Variants in VPS33A observed in about 807,000 individuals in gnomAD.
The protein encoded by VPS33A is VPS33A core subunit of CORVET and HOPS complexes.
A neutral mutation model predicts 71.8 loss-of-function variants in VPS33A; 32 were observed. The observed-to-expected ratio is 0.45, with a 90% CI of 0.34 to 0.60. The LOEUF (loss-of-function observed/expected upper bound fraction) is 0.60, where lower values mean the gene tolerates loss of function less well. VPS33A is among the 20% of genes least tolerant of loss of function. The pLI is 0.02. For missense variants in VPS33A, 625 were observed against 748.5 expected (o/e 0.84, Z 1.92); for synonymous variants, 311 against 292.7 (o/e 1.06, Z -0.64).
At chr12:122,250,918 C>T (rs922889616) in intron 5 of VPS33A, 65 bp downstream of exon 5, 8 of 1,180,998 alleles carry the variant, frequency 6.8e-6, no homozygotes, top group East Asian at 4.7e-5. Flanking sequence ...AGGAGCTTCC[C>T]GTTCCTCCTC....
chr12:122,244,860 A>G, intron 6 of VPS33A, 98 bp from the exon 7 acceptor site: 1 of 1,258,426 alleles, frequency 7.9e-7, no homozygotes, highest in Non-Finnish European at 1.1e-6. Flanking sequence ...TCAGGAGAAA[A>G]TGGAAGACGG....
At chr12:122,237,258 A>G (rs1239897531) in intron 10 of VPS33A, among the ~76,000 whole-genome samples, 2 of 152,178 alleles carry the variant, frequency 1.3e-5, no homozygotes, top group African/African-American at 4.8e-5. Flanking sequence ...AATTTGCAGA[A>G]AGTTCTTTTC....
intron 11 of VPS33A, among the ~76,000 whole-genome samples, chr12:122,235,264 CTTTT>C (rs1305150700): frequency 1.4e-5 from 2 of 138,950 alleles, no homozygotes; most frequent in East Asian, 2.1e-4. Context: ...TGCCCCATAA[CTTTT>C]TTTTTTTTTT....
intron 1 of VPS33A, chr12:122,265,821 GA>G: frequency 2.4e-6 from 1 of 422,678 alleles, no homozygotes; most frequent in South Asian, 1.6e-5. Context: ...TGCTACTAGA[GA>G]AGTTATACTG....
At chr12:122,252,340 C>A (rs1483774614) in intron 4 of VPS33A, among the ~76,000 whole-genome samples, 1 of 151,846 alleles carries the variant, frequency 6.6e-6, no homozygotes, top group African/African-American at 2.4e-5. Flanking sequence ...GCGATCTCGG[C>A]TCACTGCAAG....
rs1337066543 is a variant in VPS33A at position 122,230,207 on chromosome 12, T to C, written c.*2039A>G. The C allele has an allele frequency of 6.6e-6, 1 of 152,254 alleles. No homozygotes were observed. Among genetic ancestry groups the C allele is most frequent in the Non-Finnish European group, 1.5e-5 (1 of 68,036 alleles). 9.4% of individuals were successfully genotyped at this position (152,254 alleles called of 1,614,324 possible). A position where few individuals can be genotyped will look rare whatever the true frequency, so the allele number is the denominator to read the frequency against. Reference sequence around the variant, plus strand: ...CTTTCAATTATTATCTCTGCCACTCTTCATTCTTTCATTAAAGAGATTTTT... The same window carrying C: ...CTTTCAATTATTATCTCTGCCACTCCTCATTCTTTCATTAAAGAGATTTTT... On this transcript the variant is annotated 3_prime_UTR_variant, in exon 13 of 13. Coordinates refer to ENST00000267199, the MANE Select transcript of VPS33A (RefSeq NM_022916.6).
At chr12:122,255,020 C>T (rs1954897583) in intron 4 of VPS33A, among the ~76,000 whole-genome samples, 1 of 150,460 alleles carries the variant, frequency 6.6e-6, no homozygotes, top group African/African-American at 2.5e-5. Flanking sequence ...CAACGCACTC[C>T]AGCCTAGGCG....
Position 122,266,398 on chromosome 12 carries a change from T to C in VPS33A, c.11A>G (p.His4Arg), listed in dbSNP as rs1330459465. ...TAGGTTCACTCGGCCGTAGGACAGA[T>C]GAGCCGCCATCTTGCTCCACCACCC... is the stretch of plus-strand genomic sequence containing the variant. MAAHLSYGRVNLNV... is the reference protein window; with the variant it reads MAARLSYGRVNLNV... Residue 4 changes from histidine to arginine, a missense_variant, in exon 1 of 13, where the codon CAT becomes CGT. Transcript: ENST00000267199. 1.9e-6 allele frequency: 3 copies of C among 1,611,230 alleles called. No individual in the cohort carries two copies. The highest frequency in any genetic ancestry group is 2.7e-5 in the African/African-American group (2 of 74,852).
Position 122,232,884 on chromosome 12 carries a change from G to A in VPS33A, c.1525C>T (p.Arg509Trp). 3.1e-6 allele frequency: 5 copies of A among 1,613,596 alleles called. No homozygotes were observed. The highest frequency in any genetic ancestry group is 1.1e-5 in the South Asian group (1 of 91,048). Residue 509 changes from arginine to tryptophan, a missense_variant, in exon 12 of 13, where the codon CGG becomes TGG. Physicochemically the swap from Arg to Trp is moderately radical, Grantham distance 101 (BLOSUM62 -3). Transcript: ENST00000267199. The part of the protein sequence containing the change: ...LAQLLSRPGW[R>W]SIEEVLRILP... ...ATGCGGAGGACCTCCTCGATGCTCC[G>A]CCAGCCAGGCCGGGAAAGCAGCTGG...
At chr12:122,238,130 A>T (rs1229797662) in intron 10 of VPS33A, among the ~76,000 whole-genome samples, 1 of 152,164 alleles carries the variant, frequency 6.6e-6, no homozygotes, top group Non-Finnish European at 1.5e-5. Flanking sequence ...TACCAAGACC[A>T]ATTCCTCTAG....
chr12:122,234,072 A>G (rs1378883240), intron 11 of VPS33A, among the ~76,000 whole-genome samples: 1 of 152,230 alleles, frequency 6.6e-6, no homozygotes, highest in Non-Finnish European at 1.5e-5. Context: ...AAACATTAGA[A>G]TAAGTAATAA....
chr12:122,239,718 A>G (rs778111764), intron 9 of VPS33A, among the ~76,000 whole-genome samples, 160 bp downstream of exon 9: 5 of 140,658 alleles, frequency 3.6e-5, no homozygotes, highest in Non-Finnish European at 6.2e-5. Flanking sequence ...GCAACAGAGC[A>G]AGCTGGGTGA....
intron 7 of VPS33A, among the ~76,000 whole-genome samples, chr12:122,244,184 C>T (rs1010691393): frequency 6.6e-6 from 1 of 152,128 alleles, no homozygotes; most frequent in Non-Finnish European, 1.5e-5. Flanking sequence ...CGCAGTCACA[C>T]TGGCTAAACT....
In VPS33A at chr12:122,239,745, GTC is replaced by G. The variant is rs139124782; in HGVS notation, c.1164+131_1164+132del. 8,321 of 376,386 alleles carry G rather than the reference GTC, an allele frequency of 0.022. 338 individuals are homozygous for G. The highest frequency in any genetic ancestry group is 0.035 in the Middle Eastern group (51 of 1,446). The allele number at this position is 376,386 out of a possible 1,614,324, so 23.3% of individuals were successfully genotyped here. A position where few individuals can be genotyped will look rare whatever the true frequency, so the allele number is the denominator to read the frequency against. ...GCTGGGTGACACACAGTGAGACTCCGTCTCAAAAAAAAAAAAAAAAAAAAAAA... is the reference window on the plus strand; with the variant it reads ...GCTGGGTGACACACAGTGAGACTCCGTCAAAAAAAAAAAAAAAAAAAAAAA... On this transcript the variant is annotated intron_variant, in intron 9 of 12. Transcript: ENST00000267199.
chr12:122,241,286 C>G (rs917316381), intron 8 of VPS33A, among the ~76,000 whole-genome samples: 1 of 151,412 alleles, frequency 6.6e-6, no homozygotes, highest in South Asian at 2.1e-4. Flanking sequence ...AAAAATGGAC[C>G]CTTCCTCTCT....
chr12:122,266,420 AC>A lies in VPS33A; in HGVS notation c.-13del. The A allele has an allele frequency of 1.9e-6, 3 of 1,599,476 alleles. No homozygotes were observed. Among genetic ancestry groups the A allele is most frequent in the South Asian group, 2.2e-5 (2 of 90,274 alleles). ...AGATGAGCCGCCATCTTGCTCCACC[AC>A]CCCCTGCCCCACAACGCCAACCGAG... On this transcript the variant is annotated 5_prime_UTR_variant, in exon 1 of 13. Transcript: ENST00000267199.
chr12:122,243,524 C>A (rs1259703790), intron 7 of VPS33A, among the ~76,000 whole-genome samples: 2 of 152,256 alleles, frequency 1.3e-5, no homozygotes, highest in African/African-American at 4.8e-5. Flanking sequence ...CAGGCGTGAG[C>A]CACTGTGCCT....
chr12:122,244,807 G>T, intron 6 of VPS33A, 45 bp from the exon 7 acceptor site: 1 of 1,560,158 alleles, frequency 6.4e-7, no homozygotes, highest in Non-Finnish European at 8.7e-7. Flanking sequence ...GCAATGACTG[G>T]AAGAACCAAT....
intron 4 of VPS33A, among the ~76,000 whole-genome samples, chr12:122,253,833 G>A (rs1456812251): frequency 6.6e-6 from 1 of 151,870 alleles, no homozygotes; most frequent in Non-Finnish European, 1.5e-5. Flanking sequence ...GAGTAGCTGG[G>A]ATCATAGGTG....
Sources: allele counts gnomAD v4.1 joint callset (sites outside exome capture counted in the v4.1 genomes callset), GRCh38; gene constraint gnomAD v4.1.1; transcripts MANE v1.5; gene names NCBI Gene and HGNC (gene_info 2026-07-23, HGNC 2026-07-21).